Variants in CPD observed in about 807,000 individuals in gnomAD.
The protein encoded by CPD is carboxypeptidase D, also known as metallocarboxypeptidase D.
In CPD, 69 loss-of-function variants were observed where a neutral mutation model predicts 138.3. The ratio of observed to expected loss-of-function variants is 0.50; its 90% CI spans 0.41 to 0.61. The LOEUF is 0.61. Among genes scored for constraint, CPD ranks in the 20% least tolerant of loss-of-function variants. The pLI is 0.00. For missense variants in CPD, 1,432 were observed against 1,733.3 expected (o/e 0.83, Z 3.09); for synonymous variants, 651 against 642.1 (o/e 1.01, Z -0.21).
Position 30,455,481 on chromosome 17 carries a change from T to A in CPD, c.3337+11T>A. On this transcript the variant is annotated intron_variant, in intron 15 of 20. Coordinates refer to ENST00000225719, the MANE Select transcript of CPD (RefSeq NM_001304.5). ...AGCCAGTACAGACAGGTATGTAGAA[T>A]GTCATTTTATATATATACTGTTTAA... 6.2e-7 allele frequency: 1 copy of A among 1,606,378 alleles called. No individual in the cohort carries two copies. Among genetic ancestry groups the A allele is most frequent in the Non-Finnish European group, 8.5e-7 (1 of 1,178,054 alleles).
At position 30,461,192 on chromosome 17, in the gene CPD, A is replaced by T; in HGVS notation, c.3511A>T (p.Thr1171Ser). 1 of 1,597,430 alleles carries T rather than the reference A, an allele frequency of 6.3e-7. No individual in the cohort carries two copies. The highest frequency in any genetic ancestry group is 1.3e-5 in the African/African-American group (1 of 74,242). ...HLGSMKDYSV[T>S]YGHCPEITVY... Reference sequence around the variant, plus strand: ...CTTTATATTCTAGGATTATAGTGTCACCTATGGCCATTGTCCGGAAATCAC... The same window carrying T: ...CTTTATATTCTAGGATTATAGTGTCTCCTATGGCCATTGTCCGGAAATCAC... Residue 1171 changes from threonine (T) to serine (S), a missense_variant, in exon 18 of 21, where the codon ACC (threonine) becomes TCC (serine). Physicochemically the swap from Thr to Ser is moderately conservative, Grantham distance 58 (BLOSUM62 1). Coordinates refer to ENST00000225719, the MANE Select transcript of CPD (RefSeq NM_001304.5).
chr17:30,454,202 A>G (rs1913234373), intron 14 of CPD: 1 of 152,092 alleles, frequency 6.6e-6, no homozygotes, highest in African/African-American at 2.4e-5. Context: ...CAGGCTGCAA[A>G]TTTTCCAAAC....
At position 30,464,873 on chromosome 17, in the gene CPD, G is replaced by A; in HGVS notation, c.*59G>A. ...CCAAGCAAAATTACAGTTCCTCTTG[G>A]GAGAACACTGCATTAAGAAGAGAGA... On this transcript the variant is annotated 3_prime_UTR_variant, in exon 21 of 21. Coordinates refer to ENST00000225719, the MANE Select transcript of CPD (RefSeq NM_001304.5). The A allele has an allele frequency of 7.7e-7, 1 of 1,297,182 alleles. No homozygotes were observed. Among genetic ancestry groups the A allele is most frequent in the Non-Finnish European group, 1.1e-6 (1 of 898,692 alleles). 80.4% of individuals were successfully genotyped at this position (1,297,182 alleles called of 1,614,324 possible). A position where few individuals can be genotyped will look rare whatever the true frequency, so the allele number is the denominator to read the frequency against.
chr17:30,379,649 G>C lies in CPD; in HGVS notation c.669G>C (p.Gln223His). ...ACCTCAACCGAAGCTTTCCCGACCA[G>C]TTTAGCACCGGCGAACCCCCCGCCC... ...GRDLNRSFPD[Q>H]FSTGEPPALD... The change falls in exon 1 of 21, where the codon CAG (glutamine) becomes CAC (histidine). Residue 223 changes from glutamine (Q) to histidine (H), a missense_variant. By Grantham distance (24) the Gln-to-His change is conservative (BLOSUM62 0). Coordinates refer to ENST00000225719, the MANE Select transcript of CPD (RefSeq NM_001304.5). The surrounding 1 kb of genome is among the most constrained non-coding windows in gnomAD (Gnocchi z 7.0). The C allele has an allele frequency of 2.6e-6, 4 of 1,517,808 alleles. No individual in the cohort carries two copies. The highest frequency in any genetic ancestry group is 3.5e-6 in the Non-Finnish European group (4 of 1,148,724). The allele number at this position is 1,517,808 out of a possible 1,614,324, so 94.0% of individuals were successfully genotyped here.
At chr17:30,435,540 A>G (rs554044559) in intron 8 of CPD, among the ~76,000 whole-genome samples, 8 of 152,318 alleles carry the variant, frequency 5.3e-5, no homozygotes, top group African/African-American at 1.9e-4. Context: ...AAATATAGGA[A>G]CTAAAACTAT....
intron 1 of CPD, among the ~76,000 whole-genome samples, chr17:30,383,800 A>G (rs1048950486): frequency 6.6e-6 from 1 of 151,856 alleles, no homozygotes; most frequent in African/African-American, 2.4e-5. Flanking sequence ...AGGTCAGTTA[A>G]TTTCAACAAC....
Position 30,379,253 on chromosome 17 carries a change from C to T in CPD, c.273C>T (p.Gly91=), listed in dbSNP as rs1910973934. The change falls in exon 1 of 21, where the codon GGC becomes GGT. Residue 91 remains glycine, a synonymous_variant. Transcript: ENST00000225719. The surrounding 1 kb of genome is among the most constrained non-coding windows in gnomAD (Gnocchi z 7.0). ...TTAGCATCGGCCGCTCGGTGGAAGG[C>T]CGGCCGCTGTGGGTGCTTCGCCTCA... The part of the protein sequence containing the change: ...RLFSIGRSVE[G]RPLWVLRLTA... The T allele has an allele frequency of 6.6e-7, 1 of 1,517,180 alleles. No individual in the cohort carries two copies. Among genetic ancestry groups the T allele is most frequent in the Non-Finnish European group, 8.8e-7 (1 of 1,138,698 alleles). 94.0% of individuals were successfully genotyped at this position (1,517,180 alleles called of 1,614,324 possible).
rs774076602 is a variant in CPD at position 30,420,808 on chromosome 17, T to C, written c.995-33T>C. 3 of 1,575,784 alleles carry C rather than the reference T, an allele frequency of 1.9e-6. No individual in the cohort carries two copies. The South Asian group carries it at 3.5e-5, about 18-fold the overall frequency. On this transcript the variant is annotated intron_variant, in intron 2 of 20. Coordinates refer to ENST00000225719, the MANE Select transcript of CPD (RefSeq NM_001304.5). ...TTTTGGAGGGTAGAATTATTTTCCT[T>C]CTGAGAGTAAACTTATTTTTTCTAT...
chr17:30,420,146 C>T (rs146568172), intron 2 of CPD, among the ~76,000 whole-genome samples: 2 of 152,290 alleles, frequency 1.3e-5, no homozygotes, highest in Non-Finnish European at 2.9e-5. Context: ...TAGGTATAAA[C>T]ATGGTGAAGG....
intron 11 of CPD, among the ~76,000 whole-genome samples, 151 bp from the exon 12 acceptor site, chr17:30,445,537 AAAT>A (rs1376274027): frequency 2.0e-5 from 3 of 152,208 alleles, no homozygotes; most frequent in African/African-American, 7.2e-5. Flanking sequence ...AATGTATTAA[AAAT>A]AATAAATTAC....
Position 30,421,815 on chromosome 17 carries a change from T to G in CPD, c.1289T>G (p.Leu430Arg). ...YRLLVPGTYNLTVVLTGYMPL... is the reference protein window; with the variant it reads ...YRLLVPGTYNRTVVLTGYMPL... Reference sequence around the variant, plus strand: ...TTACTTGTTCCTGGAACTTACAACCTTACAGTAGTTTTAACTGGGTAAGAA... The same window carrying G: ...TTACTTGTTCCTGGAACTTACAACCGTACAGTAGTTTTAACTGGGTAAGAA... The change falls in exon 4 of 21, where the codon CTT (leucine) becomes CGT (arginine). Residue 430 changes from leucine (L) to arginine (R), a missense_variant. By Grantham distance (102) the Leu-to-Arg change is moderately radical. Coordinates refer to ENST00000225719, the MANE Select transcript of CPD (RefSeq NM_001304.5). The G allele has an allele frequency of 6.2e-7, 1 of 1,612,688 alleles. No individual in the cohort carries two copies. The highest frequency in any genetic ancestry group is 8.5e-7 in the Non-Finnish European group (1 of 1,178,760).
In CPD at chr17:30,431,520, T is replaced by C. The variant is rs549179909; in HGVS notation, c.2018-252T>C. ...TTTCCGTATTGATGCTAATTATTTT[T>C]TTGAGGTAGACTGTTTGGTAGAAGT... On this transcript the variant is annotated intron_variant, in intron 7 of 20. Coordinates refer to ENST00000225719, the MANE Select transcript of CPD (RefSeq NM_001304.5). Among the ~76,000 whole-genome samples the C allele has an allele frequency of 1.1e-4, 16 of 152,356 alleles. No homozygotes were observed. In the South Asian group the frequency reaches 1.5e-3, roughly 14 times the overall value.
In CPD at chr17:30,431,805, A is replaced by G; in HGVS notation, c.2051A>G (p.Asp684Gly). The change falls in exon 8 of 21, where the codon GAT becomes GGT. Residue 684 changes from aspartate (D) to glycine (G), a missense_variant. Physicochemically the swap from Asp to Gly is moderately conservative, Grantham distance 94. Coordinates refer to ENST00000225719, the MANE Select transcript of CPD (RefSeq NM_001304.5). ...SLVVNYPFDDDEQGLATYSKS... is the reference protein window; with the variant it reads ...SLVVNYPFDDGEQGLATYSKS... Reference sequence around the variant, plus strand: ...GTGGTTAACTACCCTTTTGATGATGATGAACAAGGACTTGCCACATATAGT... The same window carrying G: ...GTGGTTAACTACCCTTTTGATGATGGTGAACAAGGACTTGCCACATATAGT... 6.2e-7 allele frequency: 1 copy of G among 1,612,880 alleles called. No individual in the cohort carries two copies. The highest frequency in any genetic ancestry group is 8.5e-7 in the Non-Finnish European group (1 of 1,179,430).
At chr17:30,460,531 G>T (rs1913443751) in intron 17 of CPD, among the ~76,000 whole-genome samples, 1 of 152,150 alleles carries the variant, frequency 6.6e-6, no homozygotes, top group African/African-American at 2.4e-5. Context: ...TTCTATAGAG[G>T]TAGAATTGAC....
Position 30,379,412 on chromosome 17 carries a change from G to A in CPD, c.432G>A (p.Val144=), listed in dbSNP as rs1461008536. Residue 144 remains valine (V), a synonymous_variant, in exon 1 of 21, where the codon GTG becomes GTA. Transcript: ENST00000225719. This position sits in a 1 kb window ranked among gnomAD's most constrained non-coding sequence, Gnocchi z 7.0. ...LVGNMHGDET[V]SRQVLIYLAR... is the part of the protein sequence containing the mutation. ...GCAACATGCATGGCGACGAGACCGT[G>A]TCGCGCCAGGTGTTGATCTACTTGG... 2 of 1,557,592 alleles carry A rather than the reference G, an allele frequency of 1.3e-6. No individual in the cohort carries two copies. The highest frequency in any genetic ancestry group is 3.6e-5 in the Admixed American group (2 of 55,364).
intron 11 of CPD, 170 bp downstream of exon 11, chr17:30,444,141 C>T (rs1217794196): frequency 4.5e-6 from 2 of 446,696 alleles, no homozygotes; most frequent in Admixed American, 3.9e-5. Context: ...AGATAGAGTA[C>T]ACGAAAAAAA....
At chr17:30,402,979 G>A (rs1207126997) in intron 2 of CPD, among the ~76,000 whole-genome samples, 3 of 152,122 alleles carry the variant, frequency 2.0e-5, no homozygotes, top group African/African-American at 7.2e-5. Flanking sequence ...GGTGGCACAT[G>A]CTTGTAATCA....
At chr17:30,416,841 G>A (rs1309121426) in intron 2 of CPD, among the ~76,000 whole-genome samples, 1 of 152,092 alleles carries the variant, frequency 6.6e-6, no homozygotes, top group African/African-American at 2.4e-5. Flanking sequence ...GGTGGCTCAC[G>A]CCTGTAATCC....
At chr17:30,392,736 G>A (rs939206371) in intron 2 of CPD, among the ~76,000 whole-genome samples, 4 of 152,182 alleles carry the variant, frequency 2.6e-5, no homozygotes, top group African/African-American at 9.7e-5. Context: ...CAAGTTGTGT[G>A]TGATAACTTA....
Sources: gnomAD v4.1 joint callset for allele counts (sites outside exome capture counted in the v4.1 genomes callset) on GRCh38, gnomAD v4.1.1 for gene constraint, Gnocchi (gnomAD v3.1) non-coding constraint, MANE v1.5 for transcripts, NCBI Gene and HGNC (gene_info 2026-07-23, HGNC 2026-07-21) for gene names.